Variants in MYO10 observed in about 807,000 individuals in gnomAD.
The protein encoded by MYO10 is unconventional myosin-X.
In MYO10, 133 loss-of-function variants were observed where a neutral mutation model predicts 257.3. The observed-to-expected ratio is 0.52, with a 90% confidence interval of 0.45 to 0.60. MYO10 has a LOEUF of 0.60. Among genes scored for constraint, MYO10 ranks in the 20% least tolerant of loss-of-function variants. The pLI is 0.00. For missense variants in MYO10, 2,399 were observed against 2,635.7 expected (o/e 0.91, Z 1.97); for synonymous variants, 1,104 against 1,028.6 (o/e 1.07, Z -1.40).
At chr5:16,800,710 CTT>C (rs1742095815) in intron 3 of MYO10, among the ~76,000 whole-genome samples, 1 of 152,170 alleles carries the variant, frequency 6.6e-6, no homozygotes, top group East Asian at 1.9e-4. Context: ...TACACTGGTT[CTT>C]TCTCAGCCTT....
At position 16,905,179 on chromosome 5, in the gene MYO10, T is replaced by C. The variant is rs369120194; in HGVS notation, c.22-27472A>G. Among the ~76,000 whole-genome samples, 20 of 152,322 alleles carry C rather than the reference T, an allele frequency of 1.3e-4. 1 individual carries two copies. Among genetic ancestry groups the C allele is most frequent in the African/African-American group, 4.8e-4 (20 of 41,586 alleles). On this transcript the variant is annotated intron_variant, in intron 1 of 40. Transcript: ENST00000513610. The stretch of plus-strand genomic sequence containing the variant: ...TTGTTCTAGAGATGGTATGGCGAAC[T>C]GTAAGCTACCCAGCACACAGGTGGC...
At chr5:16,768,317 A>C (rs964060371) in intron 10 of MYO10, among the ~76,000 whole-genome samples, 1 of 152,206 alleles carries the variant, frequency 6.6e-6, no homozygotes, top group Non-Finnish European at 1.5e-5. Context: ...AGAAGTCATG[A>C]GTATTCAGGG....
intron 2 of MYO10, among the ~76,000 whole-genome samples, chr5:16,875,558 C>G (rs980664314): frequency 1.3e-5 from 2 of 152,172 alleles, no homozygotes; most frequent in African/African-American, 4.8e-5. Flanking sequence ...TGTTCCCCCT[C>G]TCTCCCCATA....
chr5:16,718,986 A>T (rs958081980), intron 19 of MYO10, among the ~76,000 whole-genome samples: 1 of 152,230 alleles, frequency 6.6e-6, no homozygotes, highest in Admixed American at 6.5e-5. Context: ...GTGGGGCCAG[A>T]TAAGAGAATA....
chr5:16,701,502 T>G lies in MYO10; in HGVS notation c.2893A>C (p.Ser965Arg). The G allele has an allele frequency of 6.2e-7, 1 of 1,613,838 alleles. No individual in the cohort carries two copies. The change falls in exon 25 of 41, where the codon AGC (serine) becomes CGC (arginine). Residue 965 changes from serine to arginine, a missense_variant. By Grantham distance (110) the Ser-to-Arg change is moderately radical. Coordinates refer to ENST00000513610, the MANE Select transcript of MYO10 (RefSeq NM_012334.3). This position sits in a 1 kb window ranked among gnomAD's most constrained non-coding sequence, Gnocchi z 8.1. ...RNIERSLSVG[S>R]EFSSELAESA... ...TCAGCCAGCTCGCTGGAAAATTCGC[T>G]TCCCACCGACAGGGACCGCTCGATA... is the stretch of plus-strand genomic sequence containing the variant.
intron 3 of MYO10, among the ~76,000 whole-genome samples, chr5:16,804,998 C>G (rs1308281256): frequency 6.6e-6 from 1 of 152,202 alleles, no homozygotes; most frequent in Admixed American, 6.5e-5. Context: ...AAACTTACCA[C>G]CCCACTCTTC....
intron 1 of MYO10, among the ~76,000 whole-genome samples, chr5:16,897,109 A>C (rs1482086750): frequency 4.6e-5 from 7 of 152,304 alleles, no homozygotes; most frequent in East Asian, 1.9e-4. Context: ...ATGCTGGTAT[A>C]TACACCTCTG....
At chr5:16,843,177 T>G (rs960952480) in intron 2 of MYO10, among the ~76,000 whole-genome samples, 1 of 152,134 alleles carries the variant, frequency 6.6e-6, no homozygotes, top group African/African-American at 2.4e-5. Flanking sequence ...GGTCCAGCAC[T>G]GACTTCCACA....
intron 2 of MYO10, among the ~76,000 whole-genome samples, chr5:16,854,997 C>T (rs1743919855): frequency 1.3e-5 from 2 of 151,812 alleles, no homozygotes; most frequent in Admixed American, 1.3e-4. Context: ...TGCGCCATTG[C>T]ACTCAGCCCA....
intron 8 of MYO10, 142 bp from the exon 9 acceptor site, chr5:16,779,790 T>C: frequency 1.9e-6 from 1 of 528,768 alleles, no homozygotes; most frequent in South Asian, 3.3e-5. Flanking sequence ...TCCCTCTTAG[T>C]TACCATCTAG....
chr5:16,847,175 T>A (rs898625046), intron 2 of MYO10, among the ~76,000 whole-genome samples: 20 of 151,842 alleles, frequency 1.3e-4, no homozygotes, highest in African/African-American at 4.8e-4. Flanking sequence ...CTCATGCCTG[T>A]AATCCCAGCA....
intron 40 of MYO10, 141 bp downstream of exon 40, chr5:16,668,136 G>T: frequency 1.2e-6 from 1 of 831,146 alleles, no homozygotes; most frequent in East Asian, 2.7e-5. Context: ...CAGCTGGAAA[G>T]GGACCACCAC....
At chr5:16,767,021 G>A (rs775476870) in intron 10 of MYO10, among the ~76,000 whole-genome samples, 5 of 151,718 alleles carry the variant, frequency 3.3e-5, no homozygotes, top group African/African-American at 7.3e-5. Flanking sequence ...CACCATGCCC[G>A]GCCTACTACT....
chr5:16,718,262 G>T (rs892422916), intron 19 of MYO10, among the ~76,000 whole-genome samples: 1 of 152,326 alleles, frequency 6.6e-6, no homozygotes, highest in African/African-American at 2.4e-5. Flanking sequence ...TGTGCGGCCG[G>T]AGCCTCCCTG....
At chr5:16,686,354 A>G (rs1456806286) in intron 28 of MYO10, among the ~76,000 whole-genome samples, 1 of 152,176 alleles carries the variant, frequency 6.6e-6, no homozygotes, top group African/African-American at 2.4e-5. Context: ...GAGCACCGAC[A>G]TGATGCTCAA....
chr5:16,845,840 T>C (rs754231133), intron 2 of MYO10, among the ~76,000 whole-genome samples: 2 of 151,986 alleles, frequency 1.3e-5, no homozygotes, highest in Non-Finnish European at 2.9e-5. Context: ...GGCACGCACC[T>C]GTAGTCCCAG....
intron 1 of MYO10, among the ~76,000 whole-genome samples, chr5:16,934,046 A>G (rs911300619): frequency 5.3e-5 from 8 of 152,240 alleles, no homozygotes; most frequent in Non-Finnish European, 1.0e-4. Context: ...AAAGTAGAAG[A>G]TCACTAATGG....
At chr5:16,743,850 T>A (rs1315532372) in intron 19 of MYO10, among the ~76,000 whole-genome samples, 4 of 152,184 alleles carry the variant, frequency 2.6e-5, no homozygotes, top group African/African-American at 9.7e-5. Context: ...AATATCAACT[T>A]TGGACTTTAA....
chr5:16,829,852 A>T (rs1743111211), intron 2 of MYO10, among the ~76,000 whole-genome samples: 1 of 152,048 alleles, frequency 6.6e-6, no homozygotes, highest in Admixed American at 6.6e-5. Flanking sequence ...GTTAAATGCC[A>T]CACAAAGTTA....
Sources: allele counts gnomAD v4.1 joint callset (sites outside exome capture counted in the v4.1 genomes callset), GRCh38; gene constraint gnomAD v4.1.1; non-coding constraint Gnocchi (gnomAD v3.1); transcripts MANE v1.5; gene names NCBI Gene and HGNC (gene_info 2026-07-23, HGNC 2026-07-21).